ITGA9: variants seen among roughly 807,000 people sequenced by gnomAD.
The protein encoded by ITGA9 is integrin subunit alpha 9.
Under a neutral mutation model 127.8 loss-of-function variants are expected in ITGA9, and 56 were observed. That is an observed-to-expected ratio of 0.44 (90% confidence interval 0.35 to 0.55). The LOEUF is 0.55. ITGA9 is among the 20% of genes least tolerant of loss of function. The pLI is 0.00. For missense variants in ITGA9, 1,196 were observed against 1,347.1 expected (o/e 0.89, Z 1.76); for synonymous variants, 508 against 514.5 (o/e 0.99, Z 0.17).
intron 23 of ITGA9, among the ~76,000 whole-genome samples, chr3:37,769,926 A>G (rs763900807): frequency 3.9e-5 from 6 of 152,152 alleles, no homozygotes; most frequent in Non-Finnish European, 5.9e-5. Flanking sequence ...AATAGCTACT[A>G]TGCAGCCTGG....
chr3:37,713,292 T>A (rs1324363915), intron 18 of ITGA9, among the ~76,000 whole-genome samples: 1 of 152,182 alleles, frequency 6.6e-6, no homozygotes, highest in African/African-American at 2.4e-5. Context: ...TCCTTTCACC[T>A]TTTAGTGCTG....
At chr3:37,517,283 A>G (rs1698993083) in intron 9 of ITGA9, among the ~76,000 whole-genome samples, 1 of 152,122 alleles carries the variant, frequency 6.6e-6, no homozygotes, top group Admixed American at 6.5e-5. Context: ...TCAAAAATGC[A>G]TCTCAGGCTA....
chr3:37,552,755 C>T lies in ITGA9; in HGVS notation c.1689+10170C>T, dbSNP rs1054676554. ...TTGGGCCAGGTGTGGTGGCTCACGC[C>T]TGTAATCCCAGCACTTTGGGATGCT... On this transcript the variant is annotated intron_variant, in intron 15 of 27. Coordinates refer to ENST00000264741, the MANE Select transcript of ITGA9 (RefSeq NM_002207.3). Among the ~76,000 whole-genome samples, 6 of 152,182 alleles carry T rather than the reference C, an allele frequency of 3.9e-5. No individual in the cohort carries two copies. In the South Asian group the frequency reaches 1.0e-3, roughly 26 times the overall value.
chr3:37,467,655 T>C (rs1300656047), intron 1 of ITGA9, among the ~76,000 whole-genome samples: 1 of 152,228 alleles, frequency 6.6e-6, no homozygotes, highest in Non-Finnish European at 1.5e-5. Context: ...TTGTGAATTT[T>C]TTTGTGATTT....
intron 26 of ITGA9, among the ~76,000 whole-genome samples, chr3:37,786,845 G>A (rs2125554771): frequency 6.6e-6 from 1 of 152,256 alleles, no homozygotes; most frequent in South Asian, 2.1e-4. Context: ...TTGTTTGTTT[G>A]TTTGTTTCTT....
chr3:37,476,401 A>G (rs1698494766), intron 3 of ITGA9, among the ~76,000 whole-genome samples: 1 of 151,776 alleles, frequency 6.6e-6, no homozygotes, highest in Non-Finnish European at 1.5e-5. Flanking sequence ...GGTGTGAGAT[A>G]ATATTTTATT....
chr3:37,752,927 G>T (rs1163865063), intron 23 of ITGA9, among the ~76,000 whole-genome samples: 1 of 152,164 alleles, frequency 6.6e-6, no homozygotes, highest in Non-Finnish European at 1.5e-5. Context: ...TTCTTTCCTT[G>T]TAGCTAATGT....
intron 15 of ITGA9, chr3:37,573,152 G>T (rs1699619323): frequency 6.6e-6 from 1 of 152,248 alleles, no homozygotes; most frequent in African/African-American, 2.4e-5. Context: ...AGGAATAGGG[G>T]AGACTTTTCT....
chr3:37,518,091 C>CGTGTGTGTGTGTGTGTGT (rs1491416800), intron 10 of ITGA9, among the ~76,000 whole-genome samples: 99 of 51,876 alleles, frequency 1.9e-3, no homozygotes, highest in South Asian at 0.012. Flanking sequence ...TGAGAGTGTA[C>CGTGTGTGTGTGTGTGTGT]GCGTGTGTGT....
intron 18 of ITGA9, among the ~76,000 whole-genome samples, chr3:37,719,156 G>C (rs1701164576): frequency 6.6e-6 from 1 of 152,212 alleles, no homozygotes; most frequent in African/African-American, 2.4e-5. Context: ...GCCGTTTTGT[G>C]CTGGTCTAGG....
chr3:37,735,591 CT>C (rs2125530105), intron 19 of ITGA9, among the ~76,000 whole-genome samples: 1 of 152,308 alleles, frequency 6.6e-6, no homozygotes, highest in South Asian at 2.1e-4. Flanking sequence ...GTCCAACCTC[CT>C]TTTTTTATTG....
At chr3:37,775,794 GA>G (rs1411002136) in intron 23 of ITGA9, among the ~76,000 whole-genome samples, 5 of 152,226 alleles carry the variant, frequency 3.3e-5, no homozygotes, top group African/African-American at 1.2e-4. Flanking sequence ...GCTAAAAGCA[GA>G]ACTGCCAATT....
intron 15 of ITGA9, among the ~76,000 whole-genome samples, chr3:37,560,104 C>T (rs534897803): frequency 6.6e-6 from 1 of 151,890 alleles, no homozygotes; most frequent in Admixed American, 6.5e-5. Context: ...CTCCCCCAGC[C>T]CGCCACCCCC....
intron 16 of ITGA9, among the ~76,000 whole-genome samples, chr3:37,635,727 C>G (rs1487873493): frequency 6.6e-6 from 1 of 151,006 alleles, no homozygotes; most frequent in African/African-American, 2.4e-5. Flanking sequence ...TGTGCTGCAC[C>G]CATTAACTAG....
chr3:37,727,524 C>T (rs1457019059), intron 18 of ITGA9, among the ~76,000 whole-genome samples: 2 of 152,202 alleles, frequency 1.3e-5, no homozygotes, highest in Non-Finnish European at 2.9e-5. Flanking sequence ...TATTCAGTGG[C>T]ACTCAAAACA....
chr3:37,507,075 C>T (rs1056673769), intron 7 of ITGA9, among the ~76,000 whole-genome samples: 1 of 152,166 alleles, frequency 6.6e-6, no homozygotes. Flanking sequence ...CTGCTGCTCA[C>T]GTTTCTGGAG....
At chr3:37,717,173 G>A (rs986221387) in intron 18 of ITGA9, among the ~76,000 whole-genome samples, 26 of 152,200 alleles carry the variant, frequency 1.7e-4, no homozygotes, top group Admixed American at 1.7e-3. Flanking sequence ...TCTGAGGACA[G>A]GGCTATACTC....
intron 18 of ITGA9, among the ~76,000 whole-genome samples, chr3:37,696,377 A>G (rs971823206): frequency 3.3e-5 from 5 of 152,190 alleles, no homozygotes; most frequent in African/African-American, 1.2e-4. Context: ...CAATTATAAG[A>G]TGATCTTTAT....
chr3:37,722,996 T>C (rs911574184), intron 18 of ITGA9, among the ~76,000 whole-genome samples: 1 of 152,240 alleles, frequency 6.6e-6, no homozygotes, highest in African/African-American at 2.4e-5. Context: ...TTTGTCTTTT[T>C]GATTGTAGCC....
Sources: gnomAD v4.1 joint callset for allele counts (sites outside exome capture counted in the v4.1 genomes callset) on GRCh38, gnomAD v4.1.1 for gene constraint, MANE v1.5 for transcripts, NCBI Gene and HGNC (gene_info 2026-07-23, HGNC 2026-07-21) for gene names.